PARVB: variants seen among roughly 807,000 people sequenced by gnomAD.
PARVB encodes the protein parvin beta, also known as beta-parvin.
In PARVB, 46 loss-of-function variants were observed where a neutral mutation model predicts 47.0. The observed-to-expected ratio is 0.98, with a 90% confidence interval of 0.77 to 1.25. The LOEUF (loss-of-function observed/expected upper bound fraction) is 1.25. PARVB is among the 50% of genes most tolerant of loss of function. The pLI is 0.00. For synonymous variants in PARVB, 196 were observed against 196.3 expected (o/e 1.00, Z 0.01); for missense variants, 473 against 471.6 (o/e 1.00, Z -0.03).
At chr22:44,143,708 G>A (rs1023243432) in intron 8 of PARVB, 2 of 152,368 alleles carry the variant, frequency 1.3e-5, no homozygotes, top group African/African-American at 4.8e-5. Context: ...GGTGGGTGAG[G>A]AGGCTTCTCT....
chr22:44,164,410 C>CCCT (rs1555913768), intron 12 of PARVB, among the ~76,000 whole-genome samples: 1 of 12,230 alleles, frequency 8.2e-5, no homozygotes, highest in Non-Finnish European at 1.3e-4. Context: ...GCTTCCCTGT[C>CCCT]CCCCCCCCGG....
intron 5 of PARVB, 145 bp downstream of exon 5, chr22:44,131,772 G>C: frequency 1.2e-6 from 1 of 849,470 alleles, no homozygotes; most frequent in East Asian, 2.7e-5. Context: ...CTCTGTAAGA[G>C]GTAGAACATT....
At chr22:44,032,743 G>A (rs112079048) in intron 1 of PARVB, among the ~76,000 whole-genome samples, 12 of 152,222 alleles carry the variant, frequency 7.9e-5, no homozygotes, top group Non-Finnish European at 1.5e-4. Context: ...TACAGCAGAA[G>A]TGGCAAGTCA....
At chr22:44,070,429 A>T (rs2051629332) in intron 1 of PARVB, among the ~76,000 whole-genome samples, 1 of 152,208 alleles carries the variant, frequency 6.6e-6, no homozygotes, top group Non-Finnish European at 1.5e-5. Flanking sequence ...TAAAGAATGC[A>T]CATTTTTTTC....
intron 3 of PARVB, chr22:44,106,982 A>G (rs1440508183): frequency 6.6e-6 from 1 of 152,270 alleles, no homozygotes; most frequent in East Asian, 1.9e-4. Context: ...GTGGGAGAAT[A>G]ATAGCACCAA....
intron 6 of PARVB, among the ~76,000 whole-genome samples, chr22:44,134,293 G>A (rs1044914346): frequency 3.9e-5 from 6 of 152,102 alleles, no homozygotes; most frequent in Admixed American, 1.3e-4. Flanking sequence ...GTGGTGACTC[G>A]GGACCTGGGG....
At chr22:44,117,833 T>G (rs950486679) in intron 3 of PARVB, among the ~76,000 whole-genome samples, 20 of 152,080 alleles carry the variant, frequency 1.3e-4, no homozygotes, top group African/African-American at 4.1e-4. Context: ...ATGAGATCAT[T>G]TATTAGTTTT....
intron 2 of PARVB, among the ~76,000 whole-genome samples, chr22:44,006,486 G>C (rs1013518077): frequency 1.3e-5 from 2 of 152,194 alleles, no homozygotes; most frequent in African/African-American, 4.8e-5. Flanking sequence ...TCAGTCGGGC[G>C]TGGTGGCATG....
intron 2 of PARVB, among the ~76,000 whole-genome samples, chr22:44,096,173 C>T (rs1439268040): frequency 2.0e-5 from 3 of 152,148 alleles, no homozygotes; most frequent in South Asian, 2.1e-4. Context: ...TGCAGTGAGC[C>T]GAGGTTGCAC....
chr22:44,142,391 A>T (rs1208335523), intron 8 of PARVB: 4 of 140,652 alleles, frequency 2.8e-5, no homozygotes, highest in South Asian at 2.2e-4. Flanking sequence ...AAAAAAAAAA[A>T]AAAAAAAAAA....
chr22:44,039,375 A>G (rs1054286227), intron 1 of PARVB, among the ~76,000 whole-genome samples: 1 of 151,840 alleles, frequency 6.6e-6, no homozygotes, highest in African/African-American at 2.4e-5. Flanking sequence ...ACATGACGAA[A>G]CCTAAAAATA....
intron 1 of PARVB, among the ~76,000 whole-genome samples, chr22:44,035,474 G>A (rs1007837954): frequency 2.7e-5 from 4 of 150,570 alleles, no homozygotes; most frequent in Admixed American, 6.7e-5. Flanking sequence ...GGGTTCAAGC[G>A]ATTCTCCTGC....
chr22:44,024,125 C>A (rs549566752), upstream of PARVB, among the ~76,000 whole-genome samples: 2 of 152,200 alleles, frequency 1.3e-5, no homozygotes, highest in South Asian at 2.1e-4. Flanking sequence ...GCCCCACGCC[C>A]CTTCTCTGAG....
chr22:44,018,733 C>G (rs1327108291), intron 2 of PARVB, among the ~76,000 whole-genome samples: 2 of 152,160 alleles, frequency 1.3e-5, no homozygotes, highest in African/African-American at 2.4e-5. Flanking sequence ...TGCACAAGAT[C>G]AAGTGCAGAC....
At chr22:44,057,458 G>A (rs2051336625) in intron 1 of PARVB, among the ~76,000 whole-genome samples, 1 of 152,160 alleles carries the variant, frequency 6.6e-6, no homozygotes, top group Admixed American at 6.5e-5. Context: ...CCAAGAGCGA[G>A]GCCCGAGGAG....
intron 2 of PARVB, among the ~76,000 whole-genome samples, chr22:44,018,522 C>G (rs562132132): frequency 1.3e-5 from 2 of 152,350 alleles, no homozygotes; most frequent in East Asian, 3.9e-4. Context: ...CCCTTCACTT[C>G]CCTAACCTGG....
intron 1 of PARVB, among the ~76,000 whole-genome samples, chr22:44,054,638 A>G (rs1445974967): frequency 6.6e-6 from 1 of 152,228 alleles, no homozygotes; most frequent in Non-Finnish European, 1.5e-5. Flanking sequence ...TTGGCGGATA[A>G]CAGCGATGGT....
chr22:44,147,141 G>GATC, intron 8 of PARVB: 1 of 164,914 alleles, frequency 6.1e-6, no homozygotes, highest in East Asian at 1.6e-4. Context: ...GTGGAGTGAA[G>GATC]TCAGGGAGGG....
chr22:44,116,075 C>T (rs2052894737), intron 3 of PARVB: 1 of 152,360 alleles, frequency 6.6e-6, no homozygotes, highest in Non-Finnish European at 1.5e-5. Context: ...CTCAGGGTTC[C>T]TCCCAGGACA....
Sources: allele counts gnomAD v4.1 joint callset (sites outside exome capture counted in the v4.1 genomes callset), GRCh38; gene constraint gnomAD v4.1.1; transcripts MANE v1.5; gene names NCBI Gene and HGNC (gene_info 2026-07-23, HGNC 2026-07-21).